Variants in FOXRED2 observed in about 807,000 individuals in gnomAD.
The protein encoded by FOXRED2 is FAD dependent oxidoreductase domain containing 2, also known as FAD-dependent oxidoreductase domain-containing protein 2.
In FOXRED2, 32 loss-of-function variants were observed where a neutral mutation model predicts 52.5. The observed-to-expected ratio is 0.61, with a 90% CI of 0.46 to 0.82. The LOEUF is 0.82. Ranked by LOEUF, FOXRED2 falls within the 40% of genes least tolerant of loss-of-function variation. FOXRED2 has a pLI of 0.00. For missense variants in FOXRED2, 848 were observed against 937.5 expected (o/e 0.90, Z 1.25); for synonymous variants, 405 against 398.1 (o/e 1.02, Z -0.21).
Position 36,495,332 on chromosome 22 carries a change from G to C in FOXRED2, c.1624+635C>G, listed in dbSNP as rs181154952. ...CCTGCTGACACGACTTCTGCCTTTG[G>C]GAACAACCCCTGTTTAAACCACCCT... is the stretch of plus-strand genomic sequence containing the variant. On this transcript the variant is annotated intron_variant, in intron 7 of 8. Transcript: ENST00000397224. Among the ~76,000 whole-genome samples the C allele has an allele frequency of 4.0e-3, 610 of 152,152 alleles. 3 individuals carry two copies. Among genetic ancestry groups the C allele is most frequent in the Non-Finnish European group, 7.0e-3 (476 of 67,996 alleles).
At chr22:36,494,916 C>T (rs1272055899) in intron 7 of FOXRED2, among the ~76,000 whole-genome samples, 4 of 151,938 alleles carry the variant, frequency 2.6e-5, no homozygotes, top group Non-Finnish European at 4.4e-5. Context: ...GGATTACAGG[C>T]GTGAGCGACC....
chr22:36,491,825 A>G (rs963383392), intron 8 of FOXRED2, among the ~76,000 whole-genome samples: 4 of 152,202 alleles, frequency 2.6e-5, no homozygotes, highest in Non-Finnish European at 5.9e-5. Flanking sequence ...TACAGTGAGA[A>G]AAAGTCATTT....
At chr22:36,496,544 G>C (rs189900039) in intron 6 of FOXRED2, among the ~76,000 whole-genome samples, 13 of 152,370 alleles carry the variant, frequency 8.5e-5, no homozygotes, top group African/African-American at 2.9e-4. Flanking sequence ...ACAGCAGGCA[G>C]AGGGCAGGAG....
At chr22:36,491,404 C>CT (rs540866364) in intron 8 of FOXRED2, among the ~76,000 whole-genome samples, 3 of 150,740 alleles carry the variant, frequency 2.0e-5, no homozygotes, top group African/African-American at 4.9e-5. Context: ...GTTTCTTTTT[C>CT]TTTTTTTTTC....
intron 7 of FOXRED2, among the ~76,000 whole-genome samples, chr22:36,495,437 C>A (rs1933871138): frequency 6.6e-6 from 1 of 152,202 alleles, no homozygotes; most frequent in African/African-American, 2.4e-5. Context: ...CTACTCTGTG[C>A]CTGCAGTGGG....
At chr22:36,503,990 C>T in intron 4 of FOXRED2, 108 bp downstream of exon 4, 2 of 1,186,510 alleles carry the variant, frequency 1.7e-6, no homozygotes, top group Non-Finnish European at 2.4e-6. Flanking sequence ...TCTTTGGGTG[C>T]TGTCCTGAGA....
intron 2 of FOXRED2, 138 bp downstream of exon 2, chr22:36,505,758 G>A: frequency 1.1e-6 from 1 of 946,606 alleles, no homozygotes; most frequent in East Asian, 2.4e-5. Flanking sequence ...GCGACAGAGT[G>A]AGACTCCGTC....
rs62229990 is a variant in FOXRED2, at chr22:36,493,122, C to T, written c.1795+511G>A. On this transcript the variant is annotated intron_variant, in intron 8 of 8. Transcript: ENST00000397224. ...ACCTGGCCCTGGCGCCTTCCCATGG[C>T]GCCTGGCCCTGCTAATCCTTTTGAA... Among the ~76,000 whole-genome samples, 605 of 152,312 alleles carry T rather than the reference C, an allele frequency of 4.0e-3. 3 individuals carry two copies. The highest frequency in any genetic ancestry group is 6.9e-3 in the Non-Finnish European group (472 of 68,024).
At chr22:36,498,796 C>T (rs147553108) in intron 5 of FOXRED2, among the ~76,000 whole-genome samples, 4 of 149,052 alleles carry the variant, frequency 2.7e-5, no homozygotes, top group East Asian at 2.0e-4. Flanking sequence ...CCGCGACCTC[C>T]GCCTCCTGGG....
Position 36,496,168 on chromosome 22 carries a change from G to C in FOXRED2, c.1423C>G (p.Gln475Glu). ...AGTGTCTCCAGCTGGGCCAGCATCT[G>C]TATGGGGAACTCCTCCAGGTACTCA... ...AFEYLEEFPI[Q>E]MLAQLETLTG... The change falls in exon 7 of 9, where the codon CAG becomes GAG. Residue 475 changes from glutamine to glutamate, a missense_variant. Transcript: ENST00000397224. 1.2e-6 allele frequency: 2 copies of C among 1,614,088 alleles called. No individual in the cohort carries two copies. The highest frequency in any genetic ancestry group is 1.7e-6 in the Non-Finnish European group (2 of 1,180,028).
In FOXRED2 at chr22:36,498,173, G is replaced by A; in HGVS notation, c.1217-17C>T. On this transcript the variant is annotated splice_polypyrimidine_tract_variant and intron_variant, in intron 5 of 8. Coordinates refer to ENST00000397224, the MANE Select transcript of FOXRED2 (RefSeq NM_001102371.2). Reference sequence around the variant, plus strand: ...CAGCACGCACTGGAACAGCCAGAGGGAGGAACGGCACGCTGCACTTACCAT... The same window carrying A: ...CAGCACGCACTGGAACAGCCAGAGGAAGGAACGGCACGCTGCACTTACCAT... The A allele has an allele frequency of 1.9e-6, 3 of 1,605,748 alleles. No homozygotes were observed. The highest frequency in any genetic ancestry group is 2.5e-6 in the Non-Finnish European group (3 of 1,177,976).
Position 36,504,551 on chromosome 22 carries a change from C to T in FOXRED2, c.743G>A (p.Arg248His), listed in dbSNP as rs755667755. ...AACGTAGTGGGTGGCCCAGGACAGA[C>T]GGACCCGGGAGCGGCTGAGCATATG... ...FIHMLSRSRV[R>H]LSWATHYVGD... is the part of the protein sequence containing the mutation. The change falls in exon 3 of 9, where the codon CGT becomes CAT. Residue 248 changes from arginine (R) to histidine (H), a missense_variant. Coordinates refer to ENST00000397224, the MANE Select transcript of FOXRED2 (RefSeq NM_001102371.2). 22 of 1,614,172 alleles carry T rather than the reference C, an allele frequency of 1.4e-5. No homozygotes were observed. The highest frequency in any genetic ancestry group is 1.8e-5 in the Non-Finnish European group (21 of 1,180,036).
intron 4 of FOXRED2, among the ~76,000 whole-genome samples, chr22:36,503,269 G>A (rs1934102717): frequency 6.6e-6 from 1 of 151,498 alleles, no homozygotes; most frequent in Admixed American, 6.6e-5. Context: ...GATTATAGGT[G>A]TGAGACCATG....
rs1349449224 is a variant in FOXRED2 at position 36,489,637 on chromosome 22, C to G, written c.*371G>C. ...ATGCGGATGGGTTTCCCCTGTGAAG[C>G]ACTCCACAGGCGGGATGCAGGCCCA... On this transcript the variant is annotated 3_prime_UTR_variant, in exon 9 of 9. Coordinates refer to ENST00000397224, the MANE Select transcript of FOXRED2 (RefSeq NM_001102371.2). The G allele has an allele frequency of 5.2e-6, 1 of 192,758 alleles. No homozygotes were observed. The highest frequency in any genetic ancestry group is 1.1e-5 in the Non-Finnish European group (1 of 95,226). The allele number at this position is 192,758 out of a possible 1,614,324, so 11.9% of individuals were successfully genotyped here. A position where few individuals can be genotyped will look rare whatever the true frequency, so the allele number is the denominator to read the frequency against.
Position 36,504,173 on chromosome 22 carries a change from T to C in FOXRED2, c.974A>G (p.Asn325Ser), listed in dbSNP as rs141342983. ...GTCATAGGGCACGCGCATGGCAAAG[T>C]TGTCATTGTCGTCCTGGGGGAGGGT... ...SITLPQDDND[N>S]FAMRVPYDRV... The change falls in exon 4 of 9, where the codon AAC becomes AGC. Residue 325 changes from asparagine (N) to serine (S), a missense_variant. Asn to Ser is a conservative substitution (Grantham distance 46). Transcript: ENST00000397224. 110 of 1,614,108 alleles carry C rather than the reference T, an allele frequency of 6.8e-5. No individual in the cohort carries two copies. Among genetic ancestry groups the C allele is most frequent in the Non-Finnish European group, 9.1e-5 (107 of 1,180,048 alleles).
chr22:36,496,076 G>T lies in FOXRED2; in HGVS notation c.1515C>A (p.Gly505=). The change falls in exon 7 of 9, where the codon GGC becomes GGA. Residue 505 remains glycine, a synonymous_variant. Coordinates refer to ENST00000397224, the MANE Select transcript of FOXRED2 (RefSeq NM_001102371.2). ...INMEYGRNFS[G]PDKDVFFDDR... Reference sequence around the variant, plus strand: ...CATCAAAGAAGACGTCCTTGTCGGGGCCAGAGAAATTTCTGCCATATTCCA... The same window carrying T: ...CATCAAAGAAGACGTCCTTGTCGGGTCCAGAGAAATTTCTGCCATATTCCA... 6.2e-7 allele frequency: 1 copy of T among 1,614,234 alleles called. No homozygotes were observed. Among genetic ancestry groups the T allele is most frequent in the Non-Finnish European group, 8.5e-7 (1 of 1,180,048 alleles).
At chr22:36,502,288 CCTTT>C (rs1179295798) in intron 4 of FOXRED2, among the ~76,000 whole-genome samples, 3 of 152,214 alleles carry the variant, frequency 2.0e-5, no homozygotes, top group Non-Finnish European at 2.9e-5. Context: ...ACCAGCTTCT[CCTTT>C]GTCTTTCTGC....
Position 36,492,032 on chromosome 22 carries a change from G to A in FOXRED2, c.1795+1601C>T, listed in dbSNP as rs557191122. ...AAATGGGCACAGCACAAAGGATGTC[G>A]TGAGGCTTCCATGGGTGACCAGGCT... is the stretch of plus-strand genomic sequence containing the variant. On this transcript the variant is annotated intron_variant, in intron 8 of 8. Coordinates refer to ENST00000397224, the MANE Select transcript of FOXRED2 (RefSeq NM_001102371.2). Among the ~76,000 whole-genome samples, 11 of 152,198 alleles carry A rather than the reference G, an allele frequency of 7.2e-5. No homozygotes were observed. The South Asian group carries it at 1.9e-3, about 26-fold the overall frequency.
intron 8 of FOXRED2, among the ~76,000 whole-genome samples, chr22:36,490,486 G>A (rs1299007320): frequency 6.6e-6 from 1 of 152,248 alleles, no homozygotes; most frequent in African/African-American, 2.4e-5. Context: ...GCAGGGGGCT[G>A]CCTTGACACT....
Sources: gnomAD v4.1 joint callset for allele counts (sites outside exome capture counted in the v4.1 genomes callset) on GRCh38, gnomAD v4.1.1 for gene constraint, MANE v1.5 for transcripts, NCBI Gene and HGNC (gene_info 2026-07-23, HGNC 2026-07-21) for gene names.